Variants in PXDNL observed in about 807,000 individuals in gnomAD.
PXDNL encodes probable oxidoreductase PXDNL.
PXDNL carries 145 observed loss-of-function variants against 150.8 expected under a neutral mutation model. The observed-to-expected ratio is 0.96, with a 90% CI of 0.84 to 1.10. The LOEUF (loss-of-function observed/expected upper bound fraction) is 1.10. PXDNL is among the 50% of genes least tolerant of loss of function. The pLI is 0.00. For missense variants in PXDNL, 2,087 were observed against 1,873.9 expected (o/e 1.11, Z -2.10); for synonymous variants, 757 against 725.7 (o/e 1.04, Z -0.69).
At chr8:51,382,249 G>T (rs1352149918) in intron 17 of PXDNL, among the ~76,000 whole-genome samples, 2 of 152,102 alleles carry the variant, frequency 1.3e-5, no homozygotes, top group South Asian at 2.1e-4. Flanking sequence ...GGAAACCAAG[G>T]GTTGCCGGGA....
chr8:51,681,327 C>A (rs1815746713), intron 1 of PXDNL, among the ~76,000 whole-genome samples: 2 of 152,180 alleles, frequency 1.3e-5, no homozygotes, highest in Admixed American at 1.3e-4. Context: ...TATTTCCACA[C>A]TCCACCCCCA....
intron 18 of PXDNL, among the ~76,000 whole-genome samples, chr8:51,372,679 C>G (rs941507497): frequency 3.3e-5 from 5 of 152,242 alleles, no homozygotes; most frequent in Non-Finnish European, 7.3e-5. Context: ...GCCACCGCAC[C>G]TAGCCCTATT....
Position 51,449,113 on chromosome 8 carries a change from G to T in PXDNL, c.1255C>A (p.Pro419Thr). ...AAANIIVQAP[P>T]QFTVTPKDQV... ...TCCTTGGGGGTTACTGTAAATTGTG[G>T]AGGAGCTAAAGAGAATGAAACATAC... The change falls in exon 11 of 23, where the codon CCA becomes ACA. Residue 419 changes from proline (P) to threonine (T), a missense_variant. Physicochemically the swap from Pro to Thr is conservative, Grantham distance 38 (BLOSUM62 -1). Transcript: ENST00000356297. 2.0e-6 allele frequency: 3 copies of T among 1,530,790 alleles called. No individual in the cohort carries two copies. Among genetic ancestry groups the T allele is most frequent in the Non-Finnish European group, 2.7e-6 (3 of 1,129,746 alleles). The allele number at this position is 1,530,790 out of a possible 1,614,324, so 94.8% of individuals were successfully genotyped here.
chr8:51,422,117 T>C (rs1486042426), intron 14 of PXDNL, among the ~76,000 whole-genome samples: 1 of 152,082 alleles, frequency 6.6e-6, no homozygotes, highest in Non-Finnish European at 1.5e-5. Flanking sequence ...GAGAATCTAA[T>C]GCCTGATGAT....
chr8:51,555,391 TG>T (rs1812578961), intron 4 of PXDNL, among the ~76,000 whole-genome samples: 1 of 152,148 alleles, frequency 6.6e-6, no homozygotes. Flanking sequence ...GCTGCTACAA[TG>T]GCAATTAAAT....
intron 1 of PXDNL, among the ~76,000 whole-genome samples, chr8:51,721,489 C>T (rs1816728451): frequency 6.6e-6 from 1 of 152,132 alleles, no homozygotes; most frequent in Admixed American, 6.5e-5. Flanking sequence ...ACTTCTTCAA[C>T]TTCTACTTTC....
intron 1 of PXDNL, among the ~76,000 whole-genome samples, chr8:51,789,929 A>G (rs1224989522): frequency 6.6e-6 from 1 of 152,200 alleles, no homozygotes; most frequent in Non-Finnish European, 1.5e-5. Flanking sequence ...TATATGCAAA[A>G]TATTTTTCTA....
intron 1 of PXDNL, among the ~76,000 whole-genome samples, 194 bp downstream of exon 1, chr8:51,808,987 T>C (rs1159325985): frequency 6.6e-6 from 1 of 152,186 alleles, no homozygotes; most frequent in Non-Finnish European, 1.5e-5. Flanking sequence ...AATATATTTA[T>C]GTCAACTCAT....
At position 51,409,226 on chromosome 8, in the gene PXDNL, T is replaced by A. The variant is rs1469690522; in HGVS notation, c.2398A>T (p.Thr800Ser). The change falls in exon 17 of 23, where the codon ACG (threonine) becomes TCG (serine). Residue 800 changes from threonine (T) to serine (S), a missense_variant. Thr to Ser is a moderately conservative substitution (Grantham distance 58, BLOSUM62 1). Transcript: ENST00000356297. ...CAGCCCCAGTGCATGAGCATGCGCG[T>A]GTAGCTGTGGTCGGGGGTGACGGCC... ...AAAVTPDHSY[T>S]RMLMHWGWFL... 4 of 1,555,030 alleles carry A rather than the reference T, an allele frequency of 2.6e-6. No individual in the cohort carries two copies. Among genetic ancestry groups the A allele is most frequent in the African/African-American group, 1.4e-5 (1 of 73,138 alleles).
chr8:51,499,028 C>A (rs994093602), intron 5 of PXDNL, among the ~76,000 whole-genome samples: 2 of 152,056 alleles, frequency 1.3e-5, no homozygotes, highest in Admixed American at 6.6e-5. Context: ...TCTTCTGGTG[C>A]GTACATATGT....
chr8:51,537,750 C>G lies in PXDNL; in HGVS notation c.380+19090G>C, dbSNP rs191829828. 4.6e-5 allele frequency among the ~76,000 whole-genome samples: 7 copies of G among 152,290 alleles called. No individual in the cohort carries two copies. In the East Asian group the frequency reaches 1.4e-3, roughly 29 times the overall value. Reference sequence around the variant, plus strand: ...GGGCATTTTCAAAGTAAGTTATGCTCTTTACATCATACGGGTTTTATCTAG... The same window carrying G: ...GGGCATTTTCAAAGTAAGTTATGCTGTTTACATCATACGGGTTTTATCTAG... On this transcript the variant is annotated intron_variant, in intron 4 of 22. Transcript: ENST00000356297.
intron 13 of PXDNL, 113 bp downstream of exon 13, chr8:51,426,533 T>C: frequency 1.7e-6 from 1 of 605,852 alleles, no homozygotes; most frequent in South Asian, 2.2e-5. Context: ...TATTATTTGC[T>C]AGCAAAAGTC....
chr8:51,800,786 T>C (rs1287344489), intron 1 of PXDNL, among the ~76,000 whole-genome samples: 1 of 152,234 alleles, frequency 6.6e-6, no homozygotes, highest in Non-Finnish European at 1.5e-5. Flanking sequence ...CTTATGCCTG[T>C]CTTACTTTAC....
chr8:51,447,256 T>C (rs1181436446), intron 11 of PXDNL, 94 bp from the exon 12 acceptor site: 1 of 1,348,146 alleles, frequency 7.4e-7, no homozygotes, highest in African/African-American at 1.5e-5. Flanking sequence ...GGCCTGTCTT[T>C]CAGGAAATTC....
chr8:51,431,691 C>G lies in PXDNL; in HGVS notation c.1526-4933G>C, dbSNP rs532020535. Among the ~76,000 whole-genome samples, 5 of 152,176 alleles carry G rather than the reference C, an allele frequency of 3.3e-5. No homozygotes were observed. In the East Asian group the frequency reaches 9.7e-4, roughly 29 times the overall value. On this transcript the variant is annotated intron_variant, in intron 12 of 22. Transcript: ENST00000356297. ...ATTCCAAGGGGGTCCAATTCTTGGT[C>G]CTCTCACCTTCTCACTCAATGCACC...
At chr8:51,435,801 C>A in intron 12 of PXDNL, 1 of 417,788 alleles carries the variant, frequency 2.4e-6, no homozygotes, top group Non-Finnish European at 4.8e-6. Context: ...ATCTTTTCTT[C>A]CAGAGGAATA....
At chr8:51,438,452 T>G (rs1586107205) in intron 12 of PXDNL, among the ~76,000 whole-genome samples, 1 of 152,118 alleles carries the variant, frequency 6.6e-6, no homozygotes, top group East Asian at 1.9e-4. Context: ...CATGGAACTG[T>G]TATAAAAATA....
At position 51,778,580 on chromosome 8, in the gene PXDNL, G is replaced by T. The variant is rs751865367; in HGVS notation, c.164+30601C>A. On this transcript the variant is annotated intron_variant, in intron 1 of 22. Coordinates refer to ENST00000356297, the MANE Select transcript of PXDNL (RefSeq NM_144651.5). Reference sequence around the variant, plus strand: ...TTATTTCCTACTCACAACTTTTCCAGTGAGATATTATTATTATTACAGAAG... The same window carrying T: ...TTATTTCCTACTCACAACTTTTCCATTGAGATATTATTATTATTACAGAAG... Among the ~76,000 whole-genome samples the T allele has an allele frequency of 1.0e-3, 153 of 152,258 alleles. 2 individuals are homozygous for T. Among genetic ancestry groups the T allele is most frequent in the Non-Finnish European group, 5.3e-4 (36 of 68,036 alleles).
chr8:51,394,058 T>C (rs1563389809), intron 17 of PXDNL, among the ~76,000 whole-genome samples: 1 of 152,236 alleles, frequency 6.6e-6, no homozygotes. Flanking sequence ...CAACTCCGTG[T>C]CCTTGGGAAA....
Sources: allele counts gnomAD v4.1 joint callset (sites outside exome capture counted in the v4.1 genomes callset), GRCh38; gene constraint gnomAD v4.1.1; transcripts MANE v1.5; gene names NCBI Gene and HGNC (gene_info 2026-07-23, HGNC 2026-07-21).